The following USP7 variants were observed in gnomAD, a reference collection of about 807,000 sequenced individuals.
The protein encoded by USP7 is ubiquitin specific peptidase 7, also known as ubiquitin C-terminal hydrolase 7.
USP7 carries 9 observed loss-of-function variants against 162.9 expected under a neutral mutation model. The ratio of observed to expected loss-of-function variants is 0.06; its 90% CI spans 0.03 to 0.10. The LOEUF is 0.10. Ranked by LOEUF, USP7 falls within the 10% of genes least tolerant of loss-of-function variation. The pLI is 1.00. For synonymous variants in USP7, 562 were observed against 475.9 expected, an observed-to-expected ratio of 1.18 and a Z score of -2.35; for missense variants, 715 against 1,373.7, an observed-to-expected ratio of 0.52 and a Z score of 7.58.
At chr16:8,936,775 G>A (rs1029476630) in intron 1 of USP7, 1 of 1,307,996 alleles carries the variant, frequency 7.6e-7, no homozygotes, top group Non-Finnish European at 9.8e-7. Flanking sequence ...AAACATTCAA[G>A]CAACCTCAAT....
rs2061768332 is a variant in USP7, at chr16:8,901,179, G to A, written c.2103C>T (p.Tyr701=). 6.2e-7 allele frequency: 1 copy of A among 1,613,692 alleles called. No homozygotes were observed. Among genetic ancestry groups the A allele is most frequent in the Admixed American group, 1.7e-5 (1 of 59,990 alleles). Residue 701 remains tyrosine, a synonymous_variant, in exon 19 of 31, where the codon TAC becomes TAT. Coordinates refer to ENST00000344836, the MANE Select transcript of USP7 (RefSeq NM_003470.3). ...ATATTGGTGTGTAGATATGCCCACA[G>A]TAATTCAAGCTCCGCGTTTTGGGAT... The part of the protein sequence containing the change: ...MYDPKTRSLN[Y]CGHIYTPISC...
chr16:8,899,818 A>C (rs1349460412), intron 21 of USP7, 61 bp from the exon 22 acceptor site: 1 of 1,584,546 alleles, frequency 6.3e-7, no homozygotes, highest in Non-Finnish European at 8.7e-7. Flanking sequence ...TAGCTGGTAA[A>C]AATGGCATCA....
intron 2 of USP7, among the ~76,000 whole-genome samples, chr16:8,925,037 CGTG>C (rs1457894070): frequency 3.3e-5 from 5 of 152,218 alleles, no homozygotes; most frequent in Middle Eastern, 3.4e-3. Context: ...TCTAGAATGG[CGTG>C]GTGGAATAAG....
At chr16:8,941,550 C>A (rs757761556) in intron 1 of USP7, among the ~76,000 whole-genome samples, 1 of 152,208 alleles carries the variant, frequency 6.6e-6, no homozygotes, top group Non-Finnish European at 1.5e-5. Flanking sequence ...AAACACATTT[C>A]GGCTTTTTTG....
At chr16:8,951,854 A>G (rs1199917283) in intron 1 of USP7, among the ~76,000 whole-genome samples, 1 of 152,234 alleles carries the variant, frequency 6.6e-6, no homozygotes, top group Non-Finnish European at 1.5e-5. Flanking sequence ...CAATCTACCA[A>G]CGTGCGTTAT....
intron 13 of USP7, among the ~76,000 whole-genome samples, chr16:8,905,837 T>C (rs1230527991): frequency 2.0e-5 from 3 of 152,252 alleles, no homozygotes; most frequent in Admixed American, 2.0e-4. Context: ...ATCTGCGTTG[T>C]GGATGCAGCC....
chr16:8,936,150 G>A (rs7200429), intron 1 of USP7, among the ~76,000 whole-genome samples: 1,771 of 152,184 alleles, frequency 0.012, 41 homozygotes, highest in African/African-American at 0.04. Flanking sequence ...GACCCAGCTC[G>A]GCCTCTGAGC....
chr16:8,918,881 G>C, intron 6 of USP7, 150 bp downstream of exon 6: 1 of 747,268 alleles, frequency 1.3e-6, no homozygotes, highest in Non-Finnish European at 2.3e-6. Context: ...CCCAGCACTG[G>C]GGAATGAAAA....
At chr16:8,929,312 G>C (rs183277803) in intron 2 of USP7, 3 of 355,062 alleles carry the variant, frequency 8.4e-6, no homozygotes, top group African/African-American at 2.1e-5. Context: ...CCTCGTCTAC[G>C]GTGGAAAGCG....
At chr16:8,918,805 T>C (rs866218298) in intron 6 of USP7, among the ~76,000 whole-genome samples, 2 of 152,092 alleles carry the variant, frequency 1.3e-5, no homozygotes, top group African/African-American at 4.8e-5. Flanking sequence ...CAAGACTCCA[T>C]CTCAATAAAG....
intron 10 of USP7, 87 bp downstream of exon 10, chr16:8,915,167 T>A (rs975953710): frequency 3.4e-5 from 43 of 1,275,824 alleles, no homozygotes; most frequent in Non-Finnish European, 4.6e-5. Flanking sequence ...TTAGACTATT[T>A]AAAAAAACAT....
In USP7 at chr16:8,905,295, T is replaced by C; in HGVS notation, c.1465A>G (p.Thr489Ala). ...TTGTGCTCAATTGCTTCCTCTTTAG[T>C]ACACCTTGACACCACGTCGTCATCA... ...KFDDDVVSRC[T>A]KEEAIEHNYG... Residue 489 changes from threonine (T) to alanine (A), a missense_variant, in exon 14 of 31, where the codon ACT becomes GCT. Thr to Ala is a moderately conservative substitution (Grantham distance 58, BLOSUM62 0). Around this residue, in one of 11 missense-constraint regions of USP7, gnomAD observed 197 missense variants for 306.5 expected, o/e 0.64. Coordinates refer to ENST00000344836, the MANE Select transcript of USP7 (RefSeq NM_003470.3). 6.2e-7 allele frequency: 1 copy of C among 1,614,226 alleles called. No individual in the cohort carries two copies.
intron 10 of USP7, among the ~76,000 whole-genome samples, chr16:8,913,329 C>G (rs909998957): frequency 6.6e-6 from 1 of 152,108 alleles, no homozygotes; most frequent in Non-Finnish European, 1.5e-5. Flanking sequence ...GCACTCCAGC[C>G]TGGGCAACAG....
chr16:8,895,525 G>A (rs1165186377), intron 27 of USP7, 117 bp downstream of exon 27: 4 of 915,080 alleles, frequency 4.4e-6, no homozygotes, highest in Admixed American at 2.4e-5. Flanking sequence ...CATATACCTC[G>A]ATTACTGGTA....
intron 2 of USP7, chr16:8,929,465 T>A (rs1567232000): frequency 2.2e-6 from 1 of 456,000 alleles, no homozygotes; most frequent in Non-Finnish European, 4.4e-6. Context: ...GCTGAACTTT[T>A]GGCAGGAGGT....
At chr16:8,957,696 T>G in intron 1 of USP7, among the ~76,000 whole-genome samples, 1 of 151,864 alleles carries the variant, frequency 6.6e-6, no homozygotes, top group Non-Finnish European at 1.5e-5. Flanking sequence ...AGTTTAAGGC[T>G]GCAGTGAGCT....
chr16:8,905,875 T>C (rs993665334), intron 13 of USP7, among the ~76,000 whole-genome samples: 4 of 152,252 alleles, frequency 2.6e-5, no homozygotes, highest in African/African-American at 9.6e-5. Context: ...ACGCTGCTGT[T>C]ACACGCACTC....
chr16:8,893,665 T>G lies in USP7; in HGVS notation c.*333A>C, dbSNP rs1295023674. On this transcript the variant is annotated 3_prime_UTR_variant, in exon 31 of 31. Coordinates refer to ENST00000344836, the MANE Select transcript of USP7 (RefSeq NM_003470.3). ...CCCAGGAAGGCAGCCGAGCCACTCG[T>G]GCCCACTAGGGACAGCCCAGAGACC... 6 of 253,532 alleles carry G rather than the reference T, an allele frequency of 2.4e-5. No individual in the cohort carries two copies. The Admixed American group carries it at 2.8e-4, about 12-fold the overall frequency. The allele number at this position is 253,532 out of a possible 1,614,324, so 15.7% of individuals were successfully genotyped here.
intron 2 of USP7, chr16:8,929,513 G>C (rs1898197034): frequency 2.2e-6 from 1 of 455,878 alleles, no homozygotes; most frequent in Non-Finnish European, 4.4e-6. Flanking sequence ...GCCCGTGACT[G>C]ATGGTTTCTT....
Sources: gnomAD v4.1 joint callset for allele counts (sites outside exome capture counted in the v4.1 genomes callset) on GRCh38, gnomAD v4.1.1 for gene constraint, gnomAD v4.1.1 regional missense constraint, MANE v1.5 for transcripts, NCBI Gene and HGNC (gene_info 2026-07-23, HGNC 2026-07-21) for gene names.